The following MACROD2 variants were observed in gnomAD, a reference collection of about 807,000 sequenced individuals.
MACROD2 encodes the protein ADP-ribose glycohydrolase MACROD2.
In MACROD2, 36 loss-of-function variants were observed where a neutral mutation model predicts 70.4. That is an observed-to-expected ratio of 0.51 (90% CI 0.39 to 0.68). The LOEUF (loss-of-function observed/expected upper bound fraction) is 0.68. MACROD2 is among the 30% of genes least tolerant of loss of function. The pLI, the probability that MACROD2 is intolerant of heterozygous loss-of-function variation, is 0.00. For missense variants in MACROD2, 496 were observed against 538.4 expected (o/e 0.92, Z 0.78); for synonymous variants, 172 against 178.8 (o/e 0.96, Z 0.30).
intron 6 of MACROD2, among the ~76,000 whole-genome samples, chr20:15,297,017 G>A (rs549569910): frequency 6.6e-6 from 1 of 152,288 alleles, no homozygotes; most frequent in East Asian, 1.9e-4. Flanking sequence ...GTCCCCTGGA[G>A]GTCTGCAAGC....
intron 7 of MACROD2, among the ~76,000 whole-genome samples, chr20:15,492,039 G>A (rs1244402509): frequency 3.3e-5 from 5 of 152,198 alleles, no homozygotes; most frequent in African/African-American, 1.2e-4. Context: ...GCTCCTGGGC[G>A]AAGCCAGTGA....
At chr20:15,677,952 C>T (rs547090185) in intron 8 of MACROD2, among the ~76,000 whole-genome samples, 1 of 152,124 alleles carries the variant, frequency 6.6e-6, no homozygotes, top group East Asian at 1.9e-4. Flanking sequence ...GTAATCCCAG[C>T]TACTCGGGAG....
chr20:14,270,090 T>G (rs2082178572), intron 3 of MACROD2, among the ~76,000 whole-genome samples: 1 of 152,140 alleles, frequency 6.6e-6, no homozygotes, highest in African/African-American at 2.4e-5. Flanking sequence ...GTATTGTCTG[T>G]TTTTTTAGAG....
intron 5 of MACROD2, among the ~76,000 whole-genome samples, chr20:14,724,923 T>C (rs2071510542): frequency 6.6e-6 from 1 of 152,130 alleles, no homozygotes. Context: ...GAATGGAATG[T>C]ACAAAGAAGG....
chr20:15,227,851 A>ATTTTTTTTTTTTT (rs2076924109), intron 5 of MACROD2, among the ~76,000 whole-genome samples: 1 of 16,534 alleles, frequency 6.0e-5, no homozygotes, highest in African/African-American at 2.1e-4. Flanking sequence ...TTTTTTTTTC[A>ATTTTTTTTTTTTT]AATTTAATTG....
At chr20:14,259,185 C>T (rs971307362) in intron 3 of MACROD2, among the ~76,000 whole-genome samples, 16 of 152,176 alleles carry the variant, frequency 1.1e-4, no homozygotes, top group African/African-American at 3.9e-4. Context: ...GTGTGATCCA[C>T]CCGCCTTGGC....
At chr20:14,023,213 G>C (rs2053112844) in intron 2 of MACROD2, among the ~76,000 whole-genome samples, 1 of 152,198 alleles carries the variant, frequency 6.6e-6, no homozygotes, top group South Asian at 2.1e-4. Flanking sequence ...CTTTGGAGAA[G>C]TGTCTGTTCA....
chr20:14,368,586 A>T (rs1426745064), intron 3 of MACROD2, among the ~76,000 whole-genome samples: 1 of 151,762 alleles, frequency 6.6e-6, no homozygotes, highest in African/African-American at 2.4e-5. Context: ...ATAAAATATG[A>T]TAACGTATTA....
chr20:14,181,735 T>C (rs937900942), intron 3 of MACROD2, among the ~76,000 whole-genome samples: 4 of 152,190 alleles, frequency 2.6e-5, no homozygotes, highest in African/African-American at 9.6e-5. Context: ...AATGGAAATA[T>C]ATAATCTGTG....
chr20:15,360,885 T>C (rs1389313063), intron 6 of MACROD2, among the ~76,000 whole-genome samples: 3 of 152,082 alleles, frequency 2.0e-5, no homozygotes, highest in Non-Finnish European at 4.4e-5. Context: ...TTATGTCCTT[T>C]GCCCATTTTC....
At chr20:15,144,461 A>G (rs1456042430) in intron 5 of MACROD2, among the ~76,000 whole-genome samples, 1 of 152,200 alleles carries the variant, frequency 6.6e-6, no homozygotes, top group Non-Finnish European at 1.5e-5. Context: ...CATTTGTCAC[A>G]TAGTGACTTT....
chr20:15,834,533 T>C (rs1053584630), intron 8 of MACROD2, among the ~76,000 whole-genome samples: 2 of 152,122 alleles, frequency 1.3e-5, no homozygotes, highest in African/African-American at 4.8e-5. Context: ...TGTGCTGCCA[T>C]AGCTTCCCCA....
At chr20:15,302,883 A>G (rs894111094) in intron 6 of MACROD2, among the ~76,000 whole-genome samples, 1 of 152,130 alleles carries the variant, frequency 6.6e-6, no homozygotes, top group Admixed American at 6.6e-5. Context: ...TTTATTAGCC[A>G]TATTTGGATG....
At chr20:13,996,739 C>G (rs1314806212) in intron 1 of MACROD2, among the ~76,000 whole-genome samples, 2 of 152,034 alleles carry the variant, frequency 1.3e-5, no homozygotes, top group African/African-American at 4.8e-5. Context: ...CTTTTCACAC[C>G]TCTTTCCTTT....
intron 3 of MACROD2, among the ~76,000 whole-genome samples, chr20:14,421,218 G>A (rs1371311935): frequency 1.3e-5 from 2 of 152,152 alleles, no homozygotes; most frequent in African/African-American, 4.8e-5. Flanking sequence ...GGCAATACTG[G>A]TCCCATAAAA....
intron 5 of MACROD2, among the ~76,000 whole-genome samples, chr20:15,102,062 G>T (rs982610172): frequency 6.6e-6 from 1 of 151,876 alleles, no homozygotes; most frequent in Non-Finnish European, 1.5e-5. Context: ...GCCACAGAAA[G>T]GCAGAAGATA....
intron 3 of MACROD2, among the ~76,000 whole-genome samples, chr20:14,367,505 C>G (rs1424063196): frequency 6.6e-6 from 1 of 152,166 alleles, no homozygotes; most frequent in Admixed American, 6.5e-5. Context: ...TTTCCTGGAA[C>G]TGTCTTAATG....
chr20:14,869,631 A>C (rs1464951708), intron 5 of MACROD2, among the ~76,000 whole-genome samples: 1 of 152,168 alleles, frequency 6.6e-6, no homozygotes, highest in Non-Finnish European at 1.5e-5. Context: ...GTAAATAAGC[A>C]TTTAAGGGGA....
At position 15,541,205 on chromosome 20, in the gene MACROD2, G is replaced by A. The variant is rs148690951; in HGVS notation, c.645+41358G>A. ...TCATGCAAATAGCAAATATTTCTGG[G>A]ACTGGACTTAAACAATTCTAGAACA... On this transcript the variant is annotated intron_variant, in intron 8 of 17. Transcript: ENST00000684519. Among the ~76,000 whole-genome samples, 7 of 152,262 alleles carry A rather than the reference G, an allele frequency of 4.6e-5. No individual in the cohort carries two copies. In the East Asian group the frequency reaches 1.4e-3, roughly 29 times the overall value.
Sources: allele counts gnomAD v4.1 joint callset (sites outside exome capture counted in the v4.1 genomes callset), GRCh38; gene constraint gnomAD v4.1.1; transcripts MANE v1.5; gene names NCBI Gene and HGNC (gene_info 2026-07-23, HGNC 2026-07-21).